Variants in MTCL1 observed in about 807,000 individuals in gnomAD.
MTCL1 encodes the protein microtubule crosslinking factor 1.
Under a neutral mutation model 141.4 loss-of-function variants are expected in MTCL1, and 79 were observed. The observed-to-expected ratio is 0.56, with a 90% CI of 0.47 to 0.67. MTCL1 has a LOEUF of 0.67. Among genes scored for constraint, MTCL1 ranks in the 30% least tolerant of loss-of-function variants. The pLI is 0.00. For missense variants in MTCL1, 2,177 were observed against 2,113.9 expected (o/e 1.03, Z -0.59); for synonymous variants, 914 against 875.8 (o/e 1.04, Z -0.77).
chr18:8,796,716 G>A (rs1041546385), intron 9 of MTCL1, among the ~76,000 whole-genome samples: 3 of 152,174 alleles, frequency 2.0e-5, no homozygotes, highest in African/African-American at 7.2e-5. Flanking sequence ...TAACGTTACA[G>A]TAGCAAGAGC....
At chr18:8,765,546 G>A (rs905891814) in intron 4 of MTCL1, among the ~76,000 whole-genome samples, 1 of 152,188 alleles carries the variant, frequency 6.6e-6, no homozygotes, top group African/African-American at 2.4e-5. Flanking sequence ...CTTCTCCTGG[G>A]TTAGTGCCTC....
chr18:8,735,336 C>T (rs965818900), intron 4 of MTCL1, among the ~76,000 whole-genome samples: 7 of 152,166 alleles, frequency 4.6e-5, no homozygotes, highest in African/African-American at 1.4e-4. Flanking sequence ...CCCTTTAGCT[C>T]AGCTAAAGAG....
chr18:8,797,584 C>T (rs2143901969), intron 9 of MTCL1, among the ~76,000 whole-genome samples: 1 of 152,310 alleles, frequency 6.6e-6, no homozygotes, highest in Middle Eastern at 3.4e-3. Flanking sequence ...TTTTTAGCTC[C>T]CAAAGACCTT....
exon 17 of MTCL1, chr18:8,831,897 T>G: frequency 7.1e-7 from 1 of 1,404,236 alleles, no homozygotes; most frequent in South Asian, 1.3e-5. Context: ...AGAGATCTAG[T>G]TTTCTCAAGG....
rs200382008 is a variant in MTCL1, at chr18:8,803,436, AAGCACCTATAATATTAGTAGTT to A, written c.2437-3455_2437-3434del. Among the ~76,000 whole-genome samples the A allele has an allele frequency of 3.9e-5, 6 of 152,324 alleles. No homozygotes were observed. The East Asian group carries it at 1.2e-3, about 29-fold the overall frequency. On this transcript the variant is annotated intron_variant, in intron 10 of 16. Coordinates refer to ENST00000359865, the Ensembl canonical transcript of MTCL1. ...ATTTAGTACATCCCCTGGCCATAGGAAGCACCTATAATATTAGTAGTTATCATTACTATTTTTTTGCCTGTGT... is the reference window on the plus strand; with the variant it reads ...ATTTAGTACATCCCCTGGCCATAGGAATCATTACTATTTTTTTGCCTGTGT...
At chr18:8,812,332 C>T (rs1382324360) in intron 11 of MTCL1, among the ~76,000 whole-genome samples, 1 of 151,738 alleles carries the variant, frequency 6.6e-6, no homozygotes, top group East Asian at 1.9e-4. Context: ...TGTTTTCCTT[C>T]TTTTTTGAAA....
At chr18:8,798,115 C>G (rs145562841) in exon 10 of MTCL1, 2 of 1,589,948 alleles carry the variant, frequency 1.3e-6, no homozygotes, top group Non-Finnish European at 1.7e-6. Context: ...TCCAGAGACC[C>G]TCTCCAGGCT....
At chr18:8,734,035 G>T (rs142228711) in intron 4 of MTCL1, among the ~76,000 whole-genome samples, 2 of 152,030 alleles carry the variant, frequency 1.3e-5, no homozygotes, top group Non-Finnish European at 2.9e-5. Flanking sequence ...TCTAACCCTC[G>T]TGGAAACATT....
In MTCL1 at chr18:8,812,780, A is replaced by ACATGTTAAG. The variant is rs554977372; in HGVS notation, c.2605-198_2605-197insATGTTAAGC. 7.9e-5 allele frequency: 48 copies of ACATGTTAAG among 607,602 alleles called. 1 individual carries two copies. In the South Asian group the frequency reaches 1.1e-3, roughly 14 times the overall value. 37.6% of individuals were successfully genotyped at this position (607,602 alleles called of 1,614,324 possible). A position where few individuals can be genotyped will look rare whatever the true frequency, so the allele number is the denominator to read the frequency against. On this transcript the variant is annotated intron_variant, in intron 11 of 16. Coordinates refer to ENST00000359865, the Ensembl canonical transcript of MTCL1. ...AAGCTGGCCATGGGAAGCTCAGTTT[A>ACATGTTAAG]CTCACCGCTTAACATTCTTTGTGAC...
At chr18:8,747,497 A>G (rs576728535) in intron 4 of MTCL1, among the ~76,000 whole-genome samples, 21 of 152,304 alleles carry the variant, frequency 1.4e-4, no homozygotes, top group Admixed American at 9.8e-4. Context: ...TGCCTTTGTC[A>G]TCACACAACC....
upstream of MTCL1, among the ~76,000 whole-genome samples, chr18:8,712,545 G>A (rs2148770358): frequency 1.3e-5 from 2 of 152,316 alleles, no homozygotes; most frequent in Admixed American, 1.3e-4. Flanking sequence ...TTCTCTTTCA[G>A]AAGGGTTAAC....
chr18:8,776,261 C>G (rs1013947117), intron 4 of MTCL1, among the ~76,000 whole-genome samples: 1 of 152,162 alleles, frequency 6.6e-6, no homozygotes, highest in African/African-American at 2.4e-5. Flanking sequence ...GCTCTGCTTC[C>G]CCACCTGCTT....
chr18:8,758,370 G>A (rs984074723), intron 4 of MTCL1, among the ~76,000 whole-genome samples: 1 of 152,134 alleles, frequency 6.6e-6, no homozygotes, highest in Non-Finnish European at 1.5e-5. Context: ...TCTACCACCA[G>A]GAGATCTTTC....
intron 16 of MTCL1, chr18:8,829,241 A>G: frequency 4.1e-6 from 4 of 985,422 alleles, no homozygotes; most frequent in Non-Finnish European, 4.8e-6. Context: ...TGCAGCCAAT[A>G]TGCTTTCAGA....
At chr18:8,731,340 G>A (rs1461880018) in intron 4 of MTCL1, among the ~76,000 whole-genome samples, 15 of 152,114 alleles carry the variant, frequency 9.9e-5, no homozygotes, top group Admixed American at 7.9e-4. Flanking sequence ...TTAGGAGGCC[G>A]AGGCGGGCAG....
At chr18:8,709,282 C>T (rs1159837118) in intron 1 of MTCL1, among the ~76,000 whole-genome samples, 1 of 151,962 alleles carries the variant, frequency 6.6e-6, no homozygotes, top group Admixed American at 6.6e-5. Context: ...AACCTTGAAC[C>T]CGTGGGCTCA....
In MTCL1 at chr18:8,725,776, C is replaced by CTTTTTTTT. The variant is rs1220187127; in HGVS notation, c.357+5286_357+5293dup. ...GCGTTATGTATTTTGGTGCCATTTTCTTTTTTTTTTTTTCTTTTTTTTTTT... is the reference window on the plus strand; with the variant it reads ...GCGTTATGTATTTTGGTGCCATTTTCTTTTTTTTTTTTTTTTTTTTTCTTTTTTTTTTT... On this transcript the variant is annotated intron_variant, in intron 4 of 16. Transcript: ENST00000359865. 2.7e-3 allele frequency among the ~76,000 whole-genome samples: 301 copies of CTTTTTTTT among 110,900 alleles called. 20 individuals are homozygous for CTTTTTTTT. Among genetic ancestry groups the CTTTTTTTT allele is most frequent in the African/African-American group, 4.6e-3 (125 of 27,046 alleles). 72.8% of individuals were successfully genotyped at this position (110,900 alleles called of 152,430 possible).
chr18:8,825,606 A>G, exon 15 of MTCL1: 1 of 1,613,858 alleles, frequency 6.2e-7, no homozygotes, highest in Non-Finnish European at 8.5e-7. Context: ...CCGGAGCCTT[A>G]GGAGCAGACA....
At chr18:8,734,797 G>A (rs994951171) in intron 4 of MTCL1, among the ~76,000 whole-genome samples, 2 of 152,186 alleles carry the variant, frequency 1.3e-5, no homozygotes, top group Non-Finnish European at 2.9e-5. Context: ...TGCTGCCCAA[G>A]CTACACCCTG....
Sources: gnomAD v4.1 joint callset for allele counts (sites outside exome capture counted in the v4.1 genomes callset) on GRCh38, gnomAD v4.1.1 for gene constraint, MANE v1.5 for transcripts, NCBI Gene and HGNC (gene_info 2026-07-23, HGNC 2026-07-21) for gene names.